OTOP2: variants seen among roughly 807,000 people sequenced by gnomAD.
OTOP2 encodes the protein otopetrin 2, also known as proton channel OTOP2.
OTOP2 carries 41 observed loss-of-function variants against 47.4 expected under a neutral mutation model. The observed-to-expected ratio is 0.87, with a 90% CI of 0.67 to 1.12. OTOP2 has a LOEUF of 1.12. Ranked by LOEUF, OTOP2 falls within the 50% of genes most tolerant of loss-of-function variation. The probability of loss-of-function intolerance (pLI) is 0.00; values close to 1 mark genes in which losing one functional copy is unlikely to be tolerated. For missense variants in OTOP2, 721 were observed against 752.2 expected, an observed-to-expected ratio of 0.96 and a Z score of 0.49; for synonymous variants, 328 against 319.6, an observed-to-expected ratio of 1.03 and a Z score of -0.28.
Position 74,927,648 on chromosome 17 carries a change from C to T in OTOP2, c.510-17C>T, listed in dbSNP as rs146435851. 7 of 1,608,194 alleles carry T rather than the reference C, an allele frequency of 4.4e-6. No individual in the cohort carries two copies. In the East Asian group the frequency reaches 8.9e-5, roughly 21 times the overall value. On this transcript the variant is annotated splice_polypyrimidine_tract_variant and intron_variant, in intron 4 of 6. Transcript: ENST00000331427. ...AGGGTCACAGGCCTCTTTGTCCCCA[C>T]CCCTGACCCCAAACAGGTGTGGTCT...
Position 74,930,663 on chromosome 17 carries a change from G to C in OTOP2, c.1028G>C (p.Ser343Thr). ...TGCTTGGGACTCACCACCTTGGTCAGCCTGAGCGGCTCCATCATCTACCGT... is the reference window on the plus strand; with the variant it reads ...TGCTTGGGACTCACCACCTTGGTCACCCTGAGCGGCTCCATCATCTACCGT... Reference protein sequence around the residue: ...IVCLGLTTLVSLSGSIIYRFD... With the variant: ...IVCLGLTTLVTLSGSIIYRFD... The change falls in exon 6 of 7, where the codon AGC (serine) becomes ACC (threonine). Residue 343 changes from serine to threonine, a missense_variant. Physicochemically the swap from Ser to Thr is moderately conservative, Grantham distance 58. Coordinates refer to ENST00000331427, the MANE Select transcript of OTOP2 (RefSeq NM_178160.3). The surrounding 1 kb of genome is among the most constrained non-coding windows in gnomAD (Gnocchi z 4.0). 1 of 1,614,070 alleles carries C rather than the reference G, an allele frequency of 6.2e-7. No individual in the cohort carries two copies. The highest frequency in any genetic ancestry group is 1.1e-5 in the South Asian group (1 of 91,080).
chr17:74,930,193 C>CAA lies in OTOP2; in HGVS notation c.644-76_644-75dup. 7.9e-5 allele frequency: 88 copies of CAA among 1,114,372 alleles called. No homozygotes were observed. Among genetic ancestry groups the CAA allele is most frequent in the South Asian group, 1.8e-4 (10 of 55,166 alleles). 69.0% of individuals were successfully genotyped at this position (1,114,372 alleles called of 1,614,324 possible). ...AGTGAAACTCCGTCTCAAAACAAAACAAAAAAAAAAAGGTCACAGGCTAGG... is the reference window on the plus strand; with the variant it reads ...AGTGAAACTCCGTCTCAAAACAAAACAAAAAAAAAAAAAGGTCACAGGCTAGG... On this transcript the variant is annotated intron_variant, in intron 5 of 6. Coordinates refer to ENST00000331427, the MANE Select transcript of OTOP2 (RefSeq NM_178160.3). This position sits in a 1 kb window ranked among gnomAD's most constrained non-coding sequence, Gnocchi z 4.0.
chr17:74,926,237 G>A (rs1484933347), intron 3 of OTOP2, among the ~76,000 whole-genome samples: 2 of 152,160 alleles, frequency 1.3e-5, no homozygotes, highest in Admixed American at 6.5e-5. Context: ...TGACCAAAAT[G>A]GCACCATGGA....
rs753545958 is a variant in OTOP2 at position 74,925,530 on chromosome 17, ACCAC to A, written c.314-15_314-12del. The A allele has an allele frequency of 2.5e-6, 4 of 1,609,926 alleles. 1 individual carries two copies. The highest frequency in any genetic ancestry group is 2.7e-5 in the African/African-American group (2 of 74,546). Reference sequence around the variant, plus strand: ...TCTCCTGCCTCTTTGATCCACCACCACCACCCACCCACCCCTGGTTTCCAGGTGG... The same window carrying A: ...TCTCCTGCCTCTTTGATCCACCACCACCACCCACCCCTGGTTTCCAGGTGG... On this transcript the variant is annotated intron_variant, in intron 2 of 6. Transcript: ENST00000331427.
At position 74,924,523 on chromosome 17, in the gene OTOP2, C is replaced by T. The variant is rs1457273317; in HGVS notation, c.-33-77C>T. ...CCCTGCGGGTCAGGAACTCCCTAGT[C>T]CCCAAGTCTAGGGATGAGATGGGGG... On this transcript the variant is annotated intron_variant, in intron 1 of 6. Coordinates refer to ENST00000331427, the MANE Select transcript of OTOP2 (RefSeq NM_178160.3). The surrounding 1 kb of genome is among the most constrained non-coding windows in gnomAD (Gnocchi z 7.7). 1 of 1,321,476 alleles carries T rather than the reference C, an allele frequency of 7.6e-7. No homozygotes were observed. The highest frequency in any genetic ancestry group is 1.0e-6 in the Non-Finnish European group (1 of 996,560). The allele number at this position is 1,321,476 out of a possible 1,614,324, so 81.9% of individuals were successfully genotyped here.
rs750970696 is a variant in OTOP2, at chr17:74,927,760, C to T, written c.605C>T (p.Ser202Phe). 3 of 1,614,148 alleles carry T rather than the reference C, an allele frequency of 1.9e-6. No individual in the cohort carries two copies. The highest frequency in any genetic ancestry group is 1.1e-5 in the South Asian group (1 of 91,068). The change falls in exon 5 of 7, where the codon TCT becomes TTT. Residue 202 changes from serine (S) to phenylalanine (F), a missense_variant. Ser to Phe is a radical substitution (Grantham distance 155, BLOSUM62 -2). Coordinates refer to ENST00000331427, the MANE Select transcript of OTOP2 (RefSeq NM_178160.3). ...SVHQSHSYSS[S>F]HSNASHARLI... ...CACCAATCCCACTCCTACAGCAGTT[C>T]TCACAGCAACGCCAGCCACGCCCGT... is the stretch of plus-strand genomic sequence containing the variant.
Position 74,930,632 on chromosome 17 carries a change from A to C in OTOP2, c.997A>C (p.Ile333Leu), listed in dbSNP as rs1306813363. The change falls in exon 6 of 7, where the codon ATT becomes CTT. Residue 333 changes from isoleucine (I) to leucine (L), a missense_variant. Coordinates refer to ENST00000331427, the MANE Select transcript of OTOP2 (RefSeq NM_178160.3). This position sits in a 1 kb window ranked among gnomAD's most constrained non-coding sequence, Gnocchi z 4.0. ...CCTGGTCATCTACTACAGCTTCAAC[A>C]TTGTCTGCTTGGGACTCACCACCTT... ...QALVIYYSFN[I>L]VCLGLTTLVS... 6.2e-7 allele frequency: 1 copy of C among 1,613,822 alleles called. No individual in the cohort carries two copies. Among genetic ancestry groups the C allele is most frequent in the East Asian group, 2.2e-5 (1 of 44,864 alleles).
rs373457353 is a variant in OTOP2 at position 74,930,250 on chromosome 17, G to T, written c.644-29G>T. 42 of 1,592,728 alleles carry T rather than the reference G, an allele frequency of 2.6e-5. No homozygotes were observed. In the African/African-American group the frequency reaches 5.2e-4, roughly 20 times the overall value. ...ACCTCTCTAGGAAGGCAGGAGGGCT[G>T]TCCAGCCCTGTGTCTCTCTCCACAA... On this transcript the variant is annotated intron_variant, in intron 5 of 6. Transcript: ENST00000331427. This position sits in a 1 kb window ranked among gnomAD's most constrained non-coding sequence, Gnocchi z 4.0.
chr17:74,931,621 C>A (rs1425953256), intron 6 of OTOP2, among the ~76,000 whole-genome samples: 1 of 152,190 alleles, frequency 6.6e-6, no homozygotes, highest in Non-Finnish European at 1.5e-5. Context: ...AGGGCATCTA[C>A]AACAGCCACC....
chr17:74,930,352 G>A lies in OTOP2; in HGVS notation c.717G>A (p.Gly239=). Residue 239 remains glycine, a synonymous_variant, in exon 6 of 7, where the codon GGG becomes GGA. Transcript: ENST00000331427. This position sits in a 1 kb window ranked among gnomAD's most constrained non-coding sequence, Gnocchi z 4.0. Reference sequence around the variant, plus strand: ...CCGTCTGCCAGATCTTCCAGCAGGGGTACTTCTACCTATATCCCTTCAACA... The same window carrying A: ...CCGTCTGCCAGATCTTCCAGCAGGGATACTTCTACCTATATCCCTTCAACA... The part of the protein sequence containing the change: ...STAVCQIFQQ[G]YFYLYPFNIE... The A allele has an allele frequency of 3.7e-6, 6 of 1,614,130 alleles. No homozygotes were observed. The highest frequency in any genetic ancestry group is 1.1e-5 in the South Asian group (1 of 91,080).
Position 74,931,034 on chromosome 17 carries a change from G to A in OTOP2, c.1399G>A (p.Val467Ile). The change falls in exon 6 of 7, where the codon GTT (valine) becomes ATT (isoleucine). Residue 467 changes from valine to isoleucine, a missense_variant. By Grantham distance (29) the Val-to-Ile change is conservative. Coordinates refer to ENST00000331427, the MANE Select transcript of OTOP2 (RefSeq NM_178160.3). ...LSACPPNPGL[V>I]SPSPSDQREA... ...CGCCTGCCCACCCAACCCCGGGCTG[G>A]TTAGCCCCAGCCCTTCAGACCAGCG... 1.2e-6 allele frequency: 2 copies of A among 1,614,150 alleles called. No homozygotes were observed. Among genetic ancestry groups the A allele is most frequent in the Non-Finnish European group, 1.7e-6 (2 of 1,180,024 alleles).
At chr17:74,927,442 G>T in intron 4 of OTOP2, 161 bp downstream of exon 4, 1 of 1,050,282 alleles carries the variant, frequency 9.5e-7, no homozygotes, top group African/African-American at 1.6e-5. Context: ...ACTACCTTGT[G>T]GGGCCCTTTC....
chr17:74,925,076 G>A (rs1409682039), intron 2 of OTOP2, 131 bp downstream of exon 2: 9 of 1,176,464 alleles, frequency 7.7e-6, no homozygotes, highest in South Asian at 3.2e-5. Flanking sequence ...CAGGAGGACC[G>A]GAGGGTGAAG....
Position 74,925,950 on chromosome 17 carries a change from C to A in OTOP2, c.450+258C>A, listed in dbSNP as rs543009704. 7.9e-5 allele frequency among the ~76,000 whole-genome samples: 12 copies of A among 152,338 alleles called. No homozygotes were observed. In the South Asian group the frequency reaches 8.3e-4, roughly 11 times the overall value. ...ACCTAAGCAGTGCCAGTAGTTAACA[C>A]CTAGGAGGTGTGAGTTGTGCCAGCC... On this transcript the variant is annotated intron_variant, in intron 3 of 6. Transcript: ENST00000331427.
At position 74,930,675 on chromosome 17, in the gene OTOP2, C is replaced by A; in HGVS notation, c.1040C>A (p.Ser347Tyr). Residue 347 changes from serine (S) to tyrosine (Y), a missense_variant, in exon 6 of 7, where the codon TCC becomes TAC. By Grantham distance (144) the Ser-to-Tyr change is moderately radical. Coordinates refer to ENST00000331427, the MANE Select transcript of OTOP2 (RefSeq NM_178160.3). This position sits in a 1 kb window ranked among gnomAD's most constrained non-coding sequence, Gnocchi z 4.0. ...GLTTLVSLSG[S>Y]IIYRFDRRAM... Reference sequence around the variant, plus strand: ...ACCACCTTGGTCAGCCTGAGCGGCTCCATCATCTACCGTTTTGACCGCCGG... The same window carrying A: ...ACCACCTTGGTCAGCCTGAGCGGCTACATCATCTACCGTTTTGACCGCCGG... 1 of 1,614,066 alleles carries A rather than the reference C, an allele frequency of 6.2e-7. No homozygotes were observed. Among genetic ancestry groups the A allele is most frequent in the South Asian group, 1.1e-5 (1 of 91,068 alleles).
In OTOP2 at chr17:74,924,903, G is replaced by C. The variant is rs1332079411; in HGVS notation, c.271G>C (p.Val91Leu). 1 of 1,590,690 alleles carries C rather than the reference G, an allele frequency of 6.3e-7. No individual in the cohort carries two copies. Among genetic ancestry groups the C allele is most frequent in the Non-Finnish European group, 8.6e-7 (1 of 1,169,272 alleles). The change falls in exon 2 of 7, where the codon GTA becomes CTA. Residue 91 changes from valine (V) to leucine (L), a missense_variant. Coordinates refer to ENST00000331427, the MANE Select transcript of OTOP2 (RefSeq NM_178160.3). The surrounding 1 kb of genome is among the most constrained non-coding windows in gnomAD (Gnocchi z 7.7). ...CCGAACCGTGCGCTGCCCCTGCGCG[G>C]TACCCTACCGGGACGCGCACGCTGG... ...LLRTVRCPCA[V>L]PYRDAHAGPI...
intron 5 of OTOP2, among the ~76,000 whole-genome samples, chr17:74,928,969 A>T (rs532482757): frequency 6.6e-6 from 1 of 152,120 alleles, no homozygotes; most frequent in African/African-American, 2.4e-5. Flanking sequence ...TGGACTTCAC[A>T]TGGGGGCCTG....
At chr17:74,926,802 C>G (rs2144764639) in intron 3 of OTOP2, among the ~76,000 whole-genome samples, 1 of 151,664 alleles carries the variant, frequency 6.6e-6, no homozygotes, top group South Asian at 2.1e-4. Flanking sequence ...CTCTATCGCC[C>G]AGGCTGGAGT....
intron 6 of OTOP2, among the ~76,000 whole-genome samples, chr17:74,932,620 G>A (rs1598596496): frequency 6.6e-6 from 1 of 152,170 alleles, no homozygotes; most frequent in Non-Finnish European, 1.5e-5. Flanking sequence ...TAGGCTAGGG[G>A]CCACCTTCTG....
Sources: allele counts gnomAD v4.1 joint callset (sites outside exome capture counted in the v4.1 genomes callset), GRCh38; gene constraint gnomAD v4.1.1; non-coding constraint Gnocchi (gnomAD v3.1); transcripts MANE v1.5; gene names NCBI Gene and HGNC (gene_info 2026-07-23, HGNC 2026-07-21).